The following SIL1 variants were observed in gnomAD, a reference collection of about 807,000 sequenced individuals.
SIL1 encodes the protein nucleotide exchange factor SIL1.
Under a neutral mutation model 49.1 loss-of-function variants are expected in SIL1, and 40 were observed. That is an observed-to-expected ratio of 0.81 (90% CI 0.63 to 1.06). The LOEUF is 1.06. SIL1 is among the 50% of genes least tolerant of loss of function. The pLI, the probability that SIL1 is intolerant of heterozygous loss-of-function variation, is 0.00. For synonymous variants in SIL1, 253 were observed against 250.8 expected (o/e 1.01, Z -0.08); for missense variants, 500 against 572.6 (o/e 0.87, Z 1.29).
At chr5:139,175,914 G>A (rs181844092) in intron 1 of SIL1, among the ~76,000 whole-genome samples, 5 of 152,204 alleles carry the variant, frequency 3.3e-5, no homozygotes, top group Admixed American at 3.3e-4. Flanking sequence ...AGTGAGCCAC[G>A]ATCTTGCCAT....
intron 3 of SIL1, among the ~76,000 whole-genome samples, chr5:139,118,485 C>G (rs1750526928): frequency 6.6e-6 from 1 of 152,328 alleles, no homozygotes; most frequent in South Asian, 2.1e-4. Context: ...TCCCCCATGC[C>G]ACCCCATGCA....
intron 1 of SIL1, among the ~76,000 whole-genome samples, chr5:139,193,404 T>A (rs1213463468): frequency 2.6e-5 from 4 of 151,930 alleles, no homozygotes; most frequent in African/African-American, 9.7e-5. Context: ...AAACTACTAC[T>A]AAATAACACA....
chr5:139,081,995 G>C (rs1313855896), intron 3 of SIL1, among the ~76,000 whole-genome samples: 1 of 152,120 alleles, frequency 6.6e-6, no homozygotes, highest in East Asian at 1.9e-4. Context: ...AACAGCATAA[G>C]GGGGAAGAGG....
intron 3 of SIL1, among the ~76,000 whole-genome samples, chr5:139,070,261 A>G (rs2150472501): frequency 6.6e-6 from 1 of 152,228 alleles, no homozygotes; most frequent in East Asian, 1.9e-4. Flanking sequence ...AAATTATTAC[A>G]TATTCTAATT....
At chr5:139,194,930 C>CT (rs35417485) in intron 1 of SIL1, among the ~76,000 whole-genome samples, 6,969 of 141,634 alleles carry the variant, frequency 0.049, 199 homozygotes, top group African/African-American at 0.073. Context: ...CTTTCAGAGC[C>CT]TTTTTTTTTT....
intron 5 of SIL1, among the ~76,000 whole-genome samples, chr5:139,028,433 G>T (rs920180078): frequency 6.6e-6 from 1 of 152,172 alleles, no homozygotes; most frequent in Non-Finnish European, 1.5e-5. Context: ...AGAAGGCAGA[G>T]GTTGCAGTGA....
chr5:139,097,766 G>A lies in SIL1; in HGVS notation c.244+23269C>T, dbSNP rs113864520. On this transcript the variant is annotated intron_variant, in intron 3 of 9. Transcript: ENST00000394817. Reference sequence around the variant, plus strand: ...GCTGGGATTACAGGAGAGAGCCACCGTGCCCAGCCCTAAAAATCAGTAGCA... The same window carrying A: ...GCTGGGATTACAGGAGAGAGCCACCATGCCCAGCCCTAAAAATCAGTAGCA... Among the ~76,000 whole-genome samples, 975 of 152,122 alleles carry A rather than the reference G, an allele frequency of 6.4e-3. 7 individuals carry two copies. The highest frequency in any genetic ancestry group is 0.021 in the African/African-American group (891 of 41,490).
chr5:139,119,240 C>T (rs983427370), intron 3 of SIL1, among the ~76,000 whole-genome samples: 7 of 152,226 alleles, frequency 4.6e-5, no homozygotes, highest in Non-Finnish European at 8.8e-5. Context: ...TGTCCCTCCC[C>T]AAGGATACAG....
chr5:139,062,433 G>A (rs1035772690), intron 3 of SIL1, among the ~76,000 whole-genome samples: 7 of 152,048 alleles, frequency 4.6e-5, no homozygotes, highest in African/African-American at 1.7e-4. Flanking sequence ...TGGCTTCCAG[G>A]CAAGGGTAGA....
At chr5:139,042,746 AGGGAGGCAT>A (rs781046557) in intron 4 of SIL1, 27 bp from the exon 5 acceptor site, 206 of 1,603,756 alleles carry the variant, frequency 1.3e-4, no homozygotes, top group Admixed American at 2.7e-4. Flanking sequence ...GAGAGTAAAG[AGGGAGGCAT>A]GGCTAGGCTT....
At chr5:139,069,381 G>A (rs1223836493) in intron 3 of SIL1, among the ~76,000 whole-genome samples, 1 of 151,966 alleles carries the variant, frequency 6.6e-6, no homozygotes, top group African/African-American at 2.4e-5. Context: ...AATGCCTTAA[G>A]ATAAATAGAA....
At chr5:139,141,870 C>G (rs1751086401) in intron 1 of SIL1, among the ~76,000 whole-genome samples, 1 of 152,194 alleles carries the variant, frequency 6.6e-6, no homozygotes, top group Non-Finnish European at 1.5e-5. Flanking sequence ...ATTTTCAGCA[C>G]AGAACCTACT....
At chr5:138,954,346 G>A (rs1460485209) in intron 7 of SIL1, among the ~76,000 whole-genome samples, 1 of 152,276 alleles carries the variant, frequency 6.6e-6, no homozygotes, top group East Asian at 1.9e-4. Context: ...AACATGGGCT[G>A]TGACAGTGCA....
intron 7 of SIL1, among the ~76,000 whole-genome samples, chr5:138,998,852 CTTT>C (rs35074969): frequency 0.35 from 33,950 of 97,720 alleles, 4,439 homozygotes; most frequent in African/African-American, 0.47. Flanking sequence ...ATTATCTTTC[CTTT>C]TTTTTTTTTT....
At chr5:139,075,235 G>C (rs1021050183) in intron 3 of SIL1, among the ~76,000 whole-genome samples, 1 of 152,204 alleles carries the variant, frequency 6.6e-6, no homozygotes, top group East Asian at 1.9e-4. Flanking sequence ...TGAAAGAAGA[G>C]TGTCCTAACC....
intron 5 of SIL1, chr5:139,035,580 T>C: frequency 2.2e-6 from 1 of 456,788 alleles, no homozygotes; most frequent in Non-Finnish European, 4.3e-6. Context: ...ATACCAGCAA[T>C]GATACCTGTG....
intron 7 of SIL1, among the ~76,000 whole-genome samples, chr5:138,963,135 T>C (rs1230476634): frequency 6.6e-6 from 1 of 152,220 alleles, no homozygotes; most frequent in Non-Finnish European, 1.5e-5. Context: ...ACTATCCCCA[T>C]GTCTGGTGGC....
rs781049621 is a variant in SIL1, at chr5:139,057,314, T to TTAAAAAAAA, written c.245-6269_245-6268insTTTTTTTTA. Among the ~76,000 whole-genome samples the TTAAAAAAAA allele has an allele frequency of 8.6e-3, 623 of 72,814 alleles. 45 individuals are homozygous for TTAAAAAAAA. Among genetic ancestry groups the TTAAAAAAAA allele is most frequent in the African/African-American group, 0.012 (193 of 16,460 alleles). 47.8% of individuals were successfully genotyped at this position (72,814 alleles called of 152,430 possible). On this transcript the variant is annotated intron_variant, in intron 3 of 9. Coordinates refer to ENST00000394817, the MANE Select transcript of SIL1 (RefSeq NM_022464.5). ...GCGAGAAACACCCAAGAATGATCAA[T>TTAAAAAAAA]AAAAAAAAAAAAAAGAAAAGAAAAG... is the stretch of plus-strand genomic sequence containing the variant.
At chr5:139,052,587 G>A (rs763144531) in intron 3 of SIL1, among the ~76,000 whole-genome samples, 2 of 152,120 alleles carry the variant, frequency 1.3e-5, no homozygotes, top group African/African-American at 2.4e-5. Context: ...GGGAGGCTGA[G>A]GCAGGAGAAC....
Sources: gnomAD v4.1 joint callset for allele counts (sites outside exome capture counted in the v4.1 genomes callset) on GRCh38, gnomAD v4.1.1 for gene constraint, MANE v1.5 for transcripts, NCBI Gene and HGNC (gene_info 2026-07-23, HGNC 2026-07-21) for gene names.